Variants in RIMS1 observed in about 807,000 individuals in gnomAD.
RIMS1 encodes the protein regulating synaptic membrane exocytosis protein 1.
RIMS1 carries 83 observed loss-of-function variants against 214.1 expected under a neutral mutation model. That is an observed-to-expected ratio of 0.39 (90% CI 0.32 to 0.47). The LOEUF is 0.47. Ranked by LOEUF, RIMS1 falls within the 20% of genes least tolerant of loss-of-function variation. RIMS1 has a pLI of 0.99. For missense variants in RIMS1, 2,050 were observed against 2,161.8 expected, an observed-to-expected ratio of 0.95 and a Z score of 1.03; for synonymous variants, 793 against 786.8, an observed-to-expected ratio of 1.01 and a Z score of -0.13.
At chr6:71,945,410 G>T (rs561603573) in intron 1 of RIMS1, among the ~76,000 whole-genome samples, 24 of 152,234 alleles carry the variant, frequency 1.6e-4, no homozygotes, top group Admixed American at 1.2e-3. Context: ...CTTCTAGTTT[G>T]CCTGTGTGTC....
chr6:72,202,600 A>G (rs1320840826), intron 6 of RIMS1, among the ~76,000 whole-genome samples: 1 of 152,192 alleles, frequency 6.6e-6, no homozygotes, highest in Admixed American at 6.5e-5. Flanking sequence ...GACATAATTC[A>G]ACTCAATGAT....
intron 28 of RIMS1, among the ~76,000 whole-genome samples, chr6:72,329,116 G>A (rs552462396): frequency 1.8e-4 from 28 of 152,020 alleles, no homozygotes; most frequent in Admixed American, 4.6e-4. Context: ...TGCCTCTTGA[G>A]GTTAAATCTA....
At chr6:71,934,875 C>A (rs540998057) in intron 1 of RIMS1, among the ~76,000 whole-genome samples, 1 of 152,120 alleles carries the variant, frequency 6.6e-6, no homozygotes, top group Non-Finnish European at 1.5e-5. Flanking sequence ...TGTAGAAAAA[C>A]CACCTTTTCT....
At position 72,268,752 on chromosome 6, in the gene RIMS1, G is replaced by GC. The variant is rs1312563285; in HGVS notation, c.3398+2704dup. ...GAAAGGAAACCGTTTTAGTTTAGGAGCACCTCCATTTCATGTTCTGTTGAT... is the reference window on the plus strand; with the variant it reads ...GAAAGGAAACCGTTTTAGTTTAGGAGCCACCTCCATTTCATGTTCTGTTGAT... On this transcript the variant is annotated intron_variant, in intron 22 of 33. Coordinates refer to ENST00000521978, the MANE Select transcript of RIMS1 (RefSeq NM_014989.7). 8.5e-5 allele frequency among the ~76,000 whole-genome samples: 13 copies of GC among 152,282 alleles called. No homozygotes were observed. In the East Asian group the frequency reaches 2.5e-3, roughly 29 times the overall value.
chr6:71,999,272 T>A (rs892357785), intron 2 of RIMS1, among the ~76,000 whole-genome samples: 2 of 152,096 alleles, frequency 1.3e-5, no homozygotes, highest in African/African-American at 4.8e-5. Flanking sequence ...CATATTGAAA[T>A]ACATTGGAAA....
chr6:72,171,354 GTGTGTATATATATATA>G (rs770729804), intron 4 of RIMS1, among the ~76,000 whole-genome samples: 1 of 150,098 alleles, frequency 6.7e-6, no homozygotes, highest in Non-Finnish European at 1.5e-5. Flanking sequence ...TTACGTGTGT[GTGTGTATATATATATA>G]TGTGTATATA....
At chr6:71,898,975 A>C (rs2150426309) in intron 1 of RIMS1, among the ~76,000 whole-genome samples, 1 of 152,252 alleles carries the variant, frequency 6.6e-6, no homozygotes, top group South Asian at 2.1e-4. Flanking sequence ...TATTTGTTAT[A>C]GAAAACTCCA....
chr6:72,174,114 C>T (rs1388717661), intron 4 of RIMS1, among the ~76,000 whole-genome samples: 8 of 152,200 alleles, frequency 5.3e-5, no homozygotes, highest in African/African-American at 1.2e-4. Flanking sequence ...TTCTTGGTTA[C>T]GGCCCTCCTC....
intron 6 of RIMS1, among the ~76,000 whole-genome samples, chr6:72,211,908 T>A (rs1044332397): frequency 3.9e-5 from 6 of 152,146 alleles, no homozygotes; most frequent in African/African-American, 1.4e-4. Context: ...ATTTCCAGGA[T>A]AAACCAGTCT....
intron 22 of RIMS1, among the ~76,000 whole-genome samples, chr6:72,271,425 T>A (rs971261215): frequency 6.6e-6 from 1 of 151,460 alleles, no homozygotes; most frequent in Non-Finnish European, 1.5e-5. Context: ...TAATCAGTTA[T>A]CTCATTTGTT....
At chr6:72,159,538 C>G (rs985471385) in intron 4 of RIMS1, among the ~76,000 whole-genome samples, 1 of 140,958 alleles carries the variant, frequency 7.1e-6, no homozygotes, top group East Asian at 2.0e-4. Context: ...ACATTTAAAT[C>G]TTTAATCCAT....
intron 2 of RIMS1, among the ~76,000 whole-genome samples, chr6:72,011,300 C>T (rs1010474641): frequency 9.2e-5 from 14 of 152,188 alleles, no homozygotes; most frequent in Non-Finnish European, 1.9e-4. Context: ...AACTGGATCC[C>T]TTCCTTACAC....
chr6:72,013,128 TA>T (rs897878808), intron 2 of RIMS1, among the ~76,000 whole-genome samples: 2 of 152,220 alleles, frequency 1.3e-5, no homozygotes, highest in Admixed American at 6.5e-5. Context: ...TATATAAACC[TA>T]TTCACATATT....
chr6:72,003,976 G>A (rs1428175023), intron 2 of RIMS1, among the ~76,000 whole-genome samples: 5 of 146,964 alleles, frequency 3.4e-5, no homozygotes, highest in East Asian at 2.0e-4. Context: ...CCATTAACTC[G>A]TCATTTAGCA....
intron 2 of RIMS1, among the ~76,000 whole-genome samples, chr6:72,054,329 G>C (rs1259402759): frequency 2.0e-5 from 3 of 152,054 alleles, no homozygotes; most frequent in Admixed American, 6.6e-5. Context: ...GTCTATCATT[G>C]GTGGGCATTT....
chr6:72,099,826 C>T (rs973600064), intron 3 of RIMS1, 149 bp from the exon 4 acceptor site: 2 of 639,794 alleles, frequency 3.1e-6, no homozygotes, highest in South Asian at 3.8e-5. Context: ...GAAAAGTAAA[C>T]ATTTACTTTT....
intron 6 of RIMS1, among the ~76,000 whole-genome samples, chr6:72,230,430 T>A (rs2061584244): frequency 6.6e-6 from 1 of 151,682 alleles, no homozygotes; most frequent in African/African-American, 2.4e-5. Flanking sequence ...AGAGCTGTCA[T>A]GTAAATTGCT....
rs138394890 is a variant in RIMS1, at chr6:71,923,276, T to C, written c.164+36089T>C. 9.5e-4 allele frequency among the ~76,000 whole-genome samples: 144 copies of C among 152,350 alleles called. No individual in the cohort carries two copies. In the East Asian group the frequency reaches 0.017, roughly 18 times the overall value. ...GATAGATTCATGAGGGGCATTAATATTTAATAACAAGCAAAAAATCATGCA... is the reference window on the plus strand; with the variant it reads ...GATAGATTCATGAGGGGCATTAATACTTAATAACAAGCAAAAAATCATGCA... On this transcript the variant is annotated intron_variant, in intron 1 of 33. Transcript: ENST00000521978.
intron 2 of RIMS1, among the ~76,000 whole-genome samples, chr6:71,998,057 C>A (rs1417915188): frequency 6.6e-6 from 1 of 152,054 alleles, no homozygotes; most frequent in Non-Finnish European, 1.5e-5. Flanking sequence ...TGATTACTGG[C>A]AAAGATTAGA....
Sources: gnomAD v4.1 joint callset for allele counts (sites outside exome capture counted in the v4.1 genomes callset) on GRCh38, gnomAD v4.1.1 for gene constraint, MANE v1.5 for transcripts, NCBI Gene and HGNC (gene_info 2026-07-23, HGNC 2026-07-21) for gene names.